Variants in INPP5A observed in about 807,000 individuals in gnomAD.
The protein encoded by INPP5A is inositol polyphosphate-5-phosphatase A.
INPP5A carries 14 observed loss-of-function variants against 65.2 expected under a neutral mutation model. That is an observed-to-expected ratio of 0.21 (90% confidence interval 0.14 to 0.34). The LOEUF (loss-of-function observed/expected upper bound fraction) is 0.34. Ranked by LOEUF, INPP5A falls within the 10% of genes least tolerant of loss-of-function variation. INPP5A has a pLI of 1.00. For missense variants in INPP5A, 431 were observed against 545.6 expected, an observed-to-expected ratio of 0.79 and a Z score of 2.09; for synonymous variants, 207 against 208.3, an observed-to-expected ratio of 0.99 and a Z score of 0.05.
chr10:132,725,237 C>G (rs902213419), intron 8 of INPP5A, among the ~76,000 whole-genome samples: 3 of 152,258 alleles, frequency 2.0e-5, no homozygotes, highest in Non-Finnish European at 4.4e-5. Flanking sequence ...CTCCTACGCT[C>G]CATAGCCAAA....
chr10:132,562,719 G>A (rs573682869), intron 1 of INPP5A, among the ~76,000 whole-genome samples: 1 of 152,388 alleles, frequency 6.6e-6, no homozygotes, highest in East Asian at 1.9e-4. Context: ...GGAGCGGCAT[G>A]CTTCCACGGC....
chr10:132,704,361 C>T lies in INPP5A; in HGVS notation c.475-3952C>T, dbSNP rs1449918486. ...CATGGGTGAGAACCCAGCCTTGGGC[C>T]CAGTGACTGTGGCCTAAAGCCACCA... On this transcript the variant is annotated intron_variant, in intron 6 of 15. Coordinates refer to ENST00000368594, the MANE Select transcript of INPP5A (RefSeq NM_005539.5). This position sits in a 1 kb window ranked among gnomAD's most constrained non-coding sequence, Gnocchi z 4.5. Among the ~76,000 whole-genome samples, 2 of 152,240 alleles carry T rather than the reference C, an allele frequency of 1.3e-5. No homozygotes were observed. The highest frequency in any genetic ancestry group is 2.9e-5 in the Non-Finnish European group (2 of 68,046).
intron 1 of INPP5A, among the ~76,000 whole-genome samples, chr10:132,572,806 G>A (rs1184282647): frequency 2.0e-5 from 3 of 152,196 alleles, no homozygotes; most frequent in Non-Finnish European, 2.9e-5. Context: ...TGTCTGCAGC[G>A]TGCCTTGGAG....
intron 2 of INPP5A, among the ~76,000 whole-genome samples, chr10:132,638,810 C>T (rs1011113257): frequency 8.5e-5 from 13 of 152,138 alleles, no homozygotes; most frequent in Non-Finnish European, 2.9e-5. Context: ...TCAGGTGATC[C>T]ACCCGCCTCG....
chr10:132,731,213 G>A (rs1846078809), intron 9 of INPP5A, among the ~76,000 whole-genome samples: 1 of 152,184 alleles, frequency 6.6e-6, no homozygotes, highest in Non-Finnish European at 1.5e-5. Context: ...GAACAGAGAA[G>A]GCGGCCCTGG....
rs1438552622 is a variant in INPP5A at position 132,706,894 on chromosome 10, G to C, written c.475-1419G>C. On this transcript the variant is annotated intron_variant, in intron 6 of 15. Coordinates refer to ENST00000368594, the MANE Select transcript of INPP5A (RefSeq NM_005539.5). This position sits in a 1 kb window ranked among gnomAD's most constrained non-coding sequence, Gnocchi z 4.7. The stretch of plus-strand genomic sequence containing the variant: ...CAGGTGCCGCCAACAGGCCAGGCGA[G>C]ATGAAGGGCGAGTGTCTGTAGGAGT... Among the ~76,000 whole-genome samples the C allele has an allele frequency of 6.6e-6, 1 of 152,214 alleles. No homozygotes were observed. The highest frequency in any genetic ancestry group is 1.5e-5 in the Non-Finnish European group (1 of 68,050).
At chr10:132,621,580 G>A (rs1439621038) in intron 2 of INPP5A, among the ~76,000 whole-genome samples, 1 of 152,156 alleles carries the variant, frequency 6.6e-6, no homozygotes, top group Non-Finnish European at 1.5e-5. Context: ...TCTCTGATTA[G>A]CCTTTTACTG....
At chr10:132,609,633 T>TTTG (rs371644456) in intron 2 of INPP5A, among the ~76,000 whole-genome samples, 11 of 152,190 alleles carry the variant, frequency 7.2e-5, no homozygotes, top group South Asian at 4.2e-4. Context: ...GTCTGCTGCT[T>TTTG]TTGTTGTTGT....
chr10:132,556,036 G>T (rs1011706849), intron 1 of INPP5A, among the ~76,000 whole-genome samples: 3 of 151,648 alleles, frequency 2.0e-5, no homozygotes, highest in African/African-American at 7.3e-5. Flanking sequence ...TCGGGGGGCT[G>T]CCCGGCCCCT....
intron 1 of INPP5A, among the ~76,000 whole-genome samples, chr10:132,565,890 C>G (rs1457658728): frequency 6.6e-6 from 1 of 151,976 alleles, no homozygotes; most frequent in Non-Finnish European, 1.5e-5. Flanking sequence ...AGTTTTGAGT[C>G]TCTTTGAATT....
chr10:132,763,642 T>C (rs1313293498), intron 11 of INPP5A, among the ~76,000 whole-genome samples: 1 of 140,354 alleles, frequency 7.1e-6, no homozygotes, highest in African/African-American at 2.5e-5. Flanking sequence ...TAAACATGCC[T>C]GCATGCACAC....
chr10:132,683,710 G>GT (rs1564963282), intron 4 of INPP5A, among the ~76,000 whole-genome samples: 1 of 152,064 alleles, frequency 6.6e-6, no homozygotes, highest in African/African-American at 2.4e-5. Context: ...AAATTACAGG[G>GT]TTTTTTGTTT....
At chr10:132,566,029 C>A (rs2071270974) in intron 1 of INPP5A, among the ~76,000 whole-genome samples, 2 of 151,844 alleles carry the variant, frequency 1.3e-5, no homozygotes, top group Non-Finnish European at 2.9e-5. Context: ...GCGTTGTAGC[C>A]TCAGGAGTGT....
chr10:132,689,029 ATGTGT>A (rs1197632487), intron 4 of INPP5A, among the ~76,000 whole-genome samples: 1 of 150,350 alleles, frequency 6.7e-6, no homozygotes, highest in African/African-American at 2.4e-5. Flanking sequence ...GAGTGCATAT[ATGTGT>A]TAATGTTTGC....
rs545508290 is a variant in INPP5A, at chr10:132,782,094, C to T, written c.*65C>T. 21 of 1,539,910 alleles carry T rather than the reference C, an allele frequency of 1.4e-5. No homozygotes were observed. The highest frequency in any genetic ancestry group is 1.8e-5 in the Non-Finnish European group (21 of 1,139,648). ...CGTGAGCCTCCCTGTAGCCGTGGAC[C>T]GAATACGCACTCTTGAAAGCTGCAT... On this transcript the variant is annotated 3_prime_UTR_variant, in exon 16 of 16. Coordinates refer to ENST00000368594, the MANE Select transcript of INPP5A (RefSeq NM_005539.5). This position sits in a 1 kb window ranked among gnomAD's most constrained non-coding sequence, Gnocchi z 4.4.
chr10:132,680,101 T>C (rs768986645), intron 4 of INPP5A, among the ~76,000 whole-genome samples: 4 of 152,146 alleles, frequency 2.6e-5, no homozygotes, highest in South Asian at 4.1e-4. Flanking sequence ...AAGAGACAAA[T>C]TGGACTGCAT....
chr10:132,775,174 G>C (rs1040010008), intron 12 of INPP5A, among the ~76,000 whole-genome samples: 37 of 2,628 alleles, frequency 0.014, 9 homozygotes, highest in African/African-American at 0.05. Flanking sequence ...GCAGAGAGGA[G>C]GGGCAGGGAG....
At chr10:132,758,302 T>C (rs1223139771) in intron 11 of INPP5A, among the ~76,000 whole-genome samples, 7 of 75,254 alleles carry the variant, frequency 9.3e-5, no homozygotes, top group East Asian at 4.4e-4. Flanking sequence ...AGTGCGATGT[T>C]GTGGGTCCCT....
rs2072552190 is a variant in INPP5A at position 132,650,028 on chromosome 10, G to T, written c.219-390G>T. ...GGTGCATGTGCCCCAACCTGTGTGT[G>T]CTGGTGGCTACTGGGGGTCCAATTT... is the stretch of plus-strand genomic sequence containing the variant. On this transcript the variant is annotated intron_variant, in intron 3 of 15. Transcript: ENST00000368594. This position sits in a 1 kb window ranked among gnomAD's most constrained non-coding sequence, Gnocchi z 5.5. Among the ~76,000 whole-genome samples the T allele has an allele frequency of 6.6e-6, 1 of 152,206 alleles. No individual in the cohort carries two copies. The highest frequency in any genetic ancestry group is 6.5e-5 in the Admixed American group (1 of 15,282).
Sources: gnomAD v4.1 joint callset for allele counts (sites outside exome capture counted in the v4.1 genomes callset) on GRCh38, gnomAD v4.1.1 for gene constraint, Gnocchi (gnomAD v3.1) non-coding constraint, MANE v1.5 for transcripts, NCBI Gene and HGNC (gene_info 2026-07-23, HGNC 2026-07-21) for gene names.